Variants in SYT16 observed in about 807,000 individuals in gnomAD.
SYT16 encodes the protein synaptotagmin 16.
A neutral mutation model predicts 61.4 loss-of-function variants in SYT16; 42 were observed. The observed-to-expected ratio is 0.68, with a 90% CI of 0.53 to 0.89. The LOEUF (loss-of-function observed/expected upper bound fraction) is 0.89. SYT16 is among the 40% of genes least tolerant of loss of function. SYT16 has a pLI of 0.00. For synonymous variants in SYT16, 314 were observed against 302.3 expected, an observed-to-expected ratio of 1.04 and a Z score of -0.40; for missense variants, 804 against 807.3, an observed-to-expected ratio of 1.00 and a Z score of 0.05.
intron 3 of SYT16, among the ~76,000 whole-genome samples, chr14:62,065,946 A>C (rs1430458101): frequency 6.6e-6 from 1 of 152,240 alleles, no homozygotes; most frequent in East Asian, 1.9e-4. Flanking sequence ...TCTGACACTT[A>C]GGTTTTCAAG....
intron 3 of SYT16, among the ~76,000 whole-genome samples, chr14:62,004,518 A>G (rs994167042): frequency 6.6e-6 from 1 of 152,158 alleles, no homozygotes; most frequent in East Asian, 1.9e-4. Context: ...CACCCACAGA[A>G]CTCTGATATA....
intron 3 of SYT16, among the ~76,000 whole-genome samples, chr14:62,041,653 G>A (rs2054734820): frequency 6.6e-6 from 1 of 152,120 alleles, no homozygotes. Flanking sequence ...CTACAGGTGA[G>A]TGCCACCATG....
At chr14:62,070,769 G>A (rs2056268149) in intron 4 of SYT16, among the ~76,000 whole-genome samples, 1 of 152,162 alleles carries the variant, frequency 6.6e-6, no homozygotes. Flanking sequence ...CCACCTTCAT[G>A]ACCTGGTCTC....
Position 62,105,449 on chromosome 14 carries a change from A to G in SYT16, c.*4742A>G, listed in dbSNP as rs934720622. 6.6e-6 allele frequency: 1 copy of G among 152,242 alleles called. No homozygotes were observed. The highest frequency in any genetic ancestry group is 1.5e-5 in the Non-Finnish European group (1 of 68,040). 9.4% of individuals were successfully genotyped at this position (152,242 alleles called of 1,614,324 possible). A position where few individuals can be genotyped will look rare whatever the true frequency, so the allele number is the denominator to read the frequency against. ...CATTATATATCCATTTTATATCCTG[A>G]TAGCCAAACATTTTAAAATACTCTA... is the stretch of plus-strand genomic sequence containing the variant. On this transcript the variant is annotated 3_prime_UTR_variant, in exon 8 of 8. Transcript: ENST00000683842.
chr14:61,994,512 A>G (rs1003975580), intron 2 of SYT16, among the ~76,000 whole-genome samples: 3 of 152,122 alleles, frequency 2.0e-5, no homozygotes, highest in Non-Finnish European at 4.4e-5. Flanking sequence ...AAGGCTGGAG[A>G]TGTATATTTT....
At chr14:61,943,932 G>A (rs1441107308) in intron 1 of SYT16, among the ~76,000 whole-genome samples, 2 of 152,310 alleles carry the variant, frequency 1.3e-5, no homozygotes, top group South Asian at 2.1e-4. Context: ...AGGAAGAGAG[G>A]AAGTCAAATT....
chr14:61,830,998 G>A (rs1211649398), intron 1 of SYT16, among the ~76,000 whole-genome samples: 1 of 152,228 alleles, frequency 6.6e-6, no homozygotes, highest in African/African-American at 2.4e-5. Flanking sequence ...CAAGGGTTCT[G>A]TCTTGCAGCA....
chr14:62,092,633 GACAA>G (rs2057125782), intron 7 of SYT16, among the ~76,000 whole-genome samples: 2 of 151,360 alleles, frequency 1.3e-5, no homozygotes, highest in South Asian at 4.2e-4. Flanking sequence ...GTCACAAAAA[GACAA>G]ACACTGTATG....
Position 61,922,080 on chromosome 14 carries a change from G to A in SYT16, c.-324-48052G>A, listed in dbSNP as rs116905157. ...AAGAGCACACTTAGGGCTCAACTTA[G>A]TGCCTTGTGTAAAGAGAAAAGAAAT... On this transcript the variant is annotated intron_variant, in intron 1 of 7. Transcript: ENST00000683842. 1.8e-4 allele frequency among the ~76,000 whole-genome samples: 27 copies of A among 152,312 alleles called. No individual in the cohort carries two copies. In the East Asian group the frequency reaches 4.2e-3, roughly 24 times the overall value.
intron 1 of SYT16, among the ~76,000 whole-genome samples, chr14:61,945,592 A>G (rs1310769764): frequency 6.6e-6 from 1 of 152,106 alleles, no homozygotes; most frequent in African/African-American, 2.4e-5. Context: ...GCGGTGGCTC[A>G]CGCCTGTAAT....
intron 7 of SYT16, among the ~76,000 whole-genome samples, chr14:62,086,080 A>G (rs968417295): frequency 5.3e-5 from 8 of 152,162 alleles, no homozygotes; most frequent in African/African-American, 1.9e-4. Flanking sequence ...ATTGGGTGGT[A>G]CCGGGCAATC....
chr14:61,941,835 A>G (rs1194042384), intron 1 of SYT16, among the ~76,000 whole-genome samples: 2 of 152,250 alleles, frequency 1.3e-5, no homozygotes, highest in Non-Finnish European at 2.9e-5. Flanking sequence ...TTTGTGAACA[A>G]TTGAAAGGAT....
intron 1 of SYT16, among the ~76,000 whole-genome samples, chr14:61,833,579 T>C (rs1464373980): frequency 6.6e-6 from 1 of 151,722 alleles, no homozygotes. Flanking sequence ...GCCACCGTGC[T>C]TGGCCAATTT....
At chr14:62,031,568 AAAGT>A (rs985807075) in intron 3 of SYT16, among the ~76,000 whole-genome samples, 1 of 152,180 alleles carries the variant, frequency 6.6e-6, no homozygotes, top group African/African-American at 2.4e-5. Flanking sequence ...TTTAGAGCTA[AAAGT>A]AAGTTAAAAT....
In SYT16 at chr14:62,018,298, C is replaced by CTTTTTTTTTTTTTTTTTT. The variant is rs776473522; in HGVS notation, c.523+21767_523+21784dup. On this transcript the variant is annotated intron_variant, in intron 3 of 7. Transcript: ENST00000683842. ...GGGTCTTTCTCTTCTTCTTCTTCTT[C>CTTTTTTTTTTTTTTTTTT]TTTTTTTTTTTTTTTTTTTTTTTTT... 5.0e-4 allele frequency among the ~76,000 whole-genome samples: 26 copies of CTTTTTTTTTTTTTTTTTT among 51,646 alleles called. 1 individual carries two copies. Among genetic ancestry groups the CTTTTTTTTTTTTTTTTTT allele is most frequent in the Non-Finnish European group, 5.6e-4 (17 of 30,194 alleles). 33.9% of individuals were successfully genotyped at this position (51,646 alleles called of 152,430 possible). A position where few individuals can be genotyped will look rare whatever the true frequency, so the allele number is the denominator to read the frequency against.
At chr14:61,938,534 G>A (rs918921519) in intron 1 of SYT16, among the ~76,000 whole-genome samples, 9 of 152,144 alleles carry the variant, frequency 5.9e-5, no homozygotes, top group South Asian at 4.1e-4. Context: ...AGGGCAATGC[G>A]CTGAGGTTGT....
chr14:61,890,177 A>G (rs1437133506), intron 1 of SYT16, among the ~76,000 whole-genome samples: 1 of 152,164 alleles, frequency 6.6e-6, no homozygotes, highest in Non-Finnish European at 1.5e-5. Flanking sequence ...ACATTGGTGG[A>G]AGTGAAAACA....
intron 2 of SYT16, among the ~76,000 whole-genome samples, chr14:61,983,990 T>G (rs1023446823): frequency 6.6e-6 from 1 of 152,238 alleles, no homozygotes; most frequent in Non-Finnish European, 1.5e-5. Flanking sequence ...AACCTACTTT[T>G]AGGGCATAAA....
intron 7 of SYT16, among the ~76,000 whole-genome samples, chr14:62,092,621 C>T (rs1305165946): frequency 6.6e-6 from 1 of 151,134 alleles, no homozygotes; most frequent in African/African-American, 2.4e-5. Context: ...TGAAATAAGC[C>T]AGTCACAAAA....
Sources: gnomAD v4.1 joint callset for allele counts (sites outside exome capture counted in the v4.1 genomes callset) on GRCh38, gnomAD v4.1.1 for gene constraint, MANE v1.5 for transcripts, NCBI Gene and HGNC (gene_info 2026-07-23, HGNC 2026-07-21) for gene names.